Variants in IBTK observed in about 807,000 individuals in gnomAD.
The protein encoded by IBTK is inhibitor of Bruton tyrosine kinase.
A neutral mutation model predicts 154.9 loss-of-function variants in IBTK; 83 were observed. The observed-to-expected ratio is 0.54, with a 90% CI of 0.45 to 0.64. The LOEUF (loss-of-function observed/expected upper bound fraction) is 0.64, where lower values mean the gene tolerates loss of function less well. Among genes scored for constraint, IBTK ranks in the 30% least tolerant of loss-of-function variants. IBTK has a pLI of 0.00. For missense variants in IBTK, 1,332 were observed against 1,584.6 expected, an observed-to-expected ratio of 0.84 and a Z score of 2.71; for synonymous variants, 515 against 536.1, an observed-to-expected ratio of 0.96 and a Z score of 0.54.
At position 82,240,653 on chromosome 6, in the gene IBTK, A is replaced by G. The variant is rs1770908401; in HGVS notation, c.-167T>C. The G allele has an allele frequency of 7.4e-6, 4 of 537,672 alleles. No homozygotes were observed. Among genetic ancestry groups the G allele is most frequent in the South Asian group, 7.8e-5 (2 of 25,630 alleles). The allele number at this position is 537,672 out of a possible 1,614,324, so 33.3% of individuals were successfully genotyped here. A position where few individuals can be genotyped will look rare whatever the true frequency, so the allele number is the denominator to read the frequency against. ...GTATAAAACTATATATCTTTATACA[A>G]TTTTTTGGCACTTAAATCAAAAAAA... On this transcript the variant is annotated 5_prime_UTR_variant, in exon 2 of 29. Transcript: ENST00000306270.
Position 82,187,829 on chromosome 6 carries a change from C to T in IBTK, c.3575+3244G>A, listed in dbSNP as rs1768609491. On this transcript the variant is annotated intron_variant, in intron 25 of 28. Coordinates refer to ENST00000306270, the MANE Select transcript of IBTK (RefSeq NM_015525.4). ...TATTACTACATCTCCTTTACTCTGG[C>T]AGAAGGAAAATTTGATTCAAAGTCA... Among the ~76,000 whole-genome samples, 7 of 152,232 alleles carry T rather than the reference C, an allele frequency of 4.6e-5. No individual in the cohort carries two copies. In the South Asian group the frequency reaches 1.5e-3, roughly 32 times the overall value.
Position 82,214,479 on chromosome 6 carries a change from A to G in IBTK, c.1952T>C (p.Ile651Thr). ...DFLTHGFKPR[I>T]HLNKNPEEYQ... ...TTCTTCTGGGTTTTTGTTTAAGTGT[A>G]TTCTTGGTTTGAAGCCATGAGTTAA... Residue 651 changes from isoleucine to threonine, a missense_variant, in exon 12 of 29, where the codon ATA becomes ACA. Transcript: ENST00000306270. The G allele has an allele frequency of 6.2e-7, 1 of 1,614,086 alleles. No individual in the cohort carries two copies. The highest frequency in any genetic ancestry group is 8.5e-7 in the Non-Finnish European group (1 of 1,179,996).
rs1013050801 is a variant in IBTK at position 82,214,284 on chromosome 6, G to A, written c.2147C>T (p.Pro716Leu). ...TGCAACAGTTTGCAACATTCTTACAGGATCATCTTCCCTAATATTTTTTCC... is the reference window on the plus strand; with the variant it reads ...TGCAACAGTTTGCAACATTCTTACAAGATCATCTTCCCTAATATTTTTTCC... ...KKGKNIREDD[P>L]VRMLQTVAKK... is the part of the protein sequence containing the mutation. Residue 716 changes from proline to leucine, a missense_variant, in exon 12 of 29, where the codon CCT becomes CTT. Physicochemically the swap from Pro to Leu is moderately conservative, Grantham distance 98 (BLOSUM62 -3). Coordinates refer to ENST00000306270, the MANE Select transcript of IBTK (RefSeq NM_015525.4). The A allele has an allele frequency of 1.2e-6, 2 of 1,613,204 alleles. No individual in the cohort carries two copies. The highest frequency in any genetic ancestry group is 2.7e-5 in the African/African-American group (2 of 74,864).
chr6:82,188,325 GGTTT>G (rs1768630868), intron 25 of IBTK, among the ~76,000 whole-genome samples: 2 of 151,860 alleles, frequency 1.3e-5, no homozygotes, highest in East Asian at 3.9e-4. Flanking sequence ...TTGGTTGATT[GGTTT>G]ATTTTGTTCA....
Position 82,227,206 on chromosome 6 carries a change from C to T in IBTK, c.640G>A (p.Glu214Lys), listed in dbSNP as rs1184010658. 1 of 1,607,348 alleles carries T rather than the reference C, an allele frequency of 6.2e-7. No homozygotes were observed. Among genetic ancestry groups the T allele is most frequent in the Non-Finnish European group, 8.5e-7 (1 of 1,174,560 alleles). Residue 214 changes from glutamate to lysine, a missense_variant, in exon 5 of 29, where the codon GAA (glutamate) becomes AAA (lysine). Glu to Lys is a moderately conservative substitution (Grantham distance 56, BLOSUM62 1). Coordinates refer to ENST00000306270, the MANE Select transcript of IBTK (RefSeq NM_015525.4). ...GPGGRLGHGD[E>K]QTCLVPRLVE... ...ATTTCAATTACCAAGCATGTCTGTT[C>T]ATCTCCATGTCCTAATCGCCCTCCA...
At chr6:82,184,096 T>C (rs146096630) in intron 25 of IBTK, among the ~76,000 whole-genome samples, 13 of 152,322 alleles carry the variant, frequency 8.5e-5, no homozygotes, top group South Asian at 2.1e-4. Context: ...GGCATAAGGA[T>C]TGACAAACAG....
intron 16 of IBTK, among the ~76,000 whole-genome samples, chr6:82,208,674 G>A (rs1040321629): frequency 2.0e-5 from 3 of 152,054 alleles, no homozygotes; most frequent in African/African-American, 7.2e-5. Flanking sequence ...AGCTCAGGAC[G>A]CCGAGGCTGC....
intron 2 of IBTK, among the ~76,000 whole-genome samples, chr6:82,234,481 G>C (rs1770643838): frequency 6.6e-6 from 1 of 151,726 alleles, no homozygotes; most frequent in Non-Finnish European, 1.5e-5. Context: ...TGGGATTACA[G>C]GCATCCACCA....
chr6:82,206,757 G>C (rs1769428563), intron 16 of IBTK, among the ~76,000 whole-genome samples: 1 of 151,944 alleles, frequency 6.6e-6, no homozygotes, highest in South Asian at 2.1e-4. Flanking sequence ...TGACCTAACA[G>C]AATAAATCCA....
At chr6:82,200,857 T>G (rs1769184989) in intron 19 of IBTK, 149 bp from the exon 20 acceptor site, 4 of 784,896 alleles carry the variant, frequency 5.1e-6, no homozygotes, top group Non-Finnish European at 7.4e-6. Context: ...CATCTTGGCC[T>G]CCCAAAATGC....
At position 82,224,057 on chromosome 6, in the gene IBTK, G is replaced by A. The variant is rs1293275952; in HGVS notation, c.943+11C>T. Reference sequence around the variant, plus strand: ...TTTAATTTCCAGATATTGTCATTAAGGATTTCTTACCCAGTTGTCCACCAT... The same window carrying A: ...TTTAATTTCCAGATATTGTCATTAAAGATTTCTTACCCAGTTGTCCACCAT... On this transcript the variant is annotated intron_variant, in intron 7 of 28. Coordinates refer to ENST00000306270, the MANE Select transcript of IBTK (RefSeq NM_015525.4). 7.3e-7 allele frequency: 1 copy of A among 1,366,874 alleles called. No homozygotes were observed. Among genetic ancestry groups the A allele is most frequent in the Non-Finnish European group, 1.0e-6 (1 of 973,066 alleles). 84.7% of individuals were successfully genotyped at this position (1,366,874 alleles called of 1,614,324 possible). A position where few individuals can be genotyped will look rare whatever the true frequency, so the allele number is the denominator to read the frequency against.
chr6:82,241,526 G>A (rs142258201), intron 1 of IBTK, among the ~76,000 whole-genome samples: 1 of 152,120 alleles, frequency 6.6e-6, no homozygotes, highest in East Asian at 1.9e-4. Context: ...CTTTAGATAC[G>A]GTACTTACTT....
chr6:82,240,715 G>C lies in IBTK; in HGVS notation c.-229C>G. 2.1e-6 allele frequency: 1 copy of C among 474,964 alleles called. No individual in the cohort carries two copies. The highest frequency in any genetic ancestry group is 3.7e-6 in the Non-Finnish European group (1 of 272,642). 29.4% of individuals were successfully genotyped at this position (474,964 alleles called of 1,614,324 possible). On this transcript the variant is annotated 5_prime_UTR_variant, in exon 2 of 29. Transcript: ENST00000306270. ...TCTATAAAGTTCATATCAAATACAA[G>C]TTCTTCATTTAAAAAAATTCCACAG... is the stretch of plus-strand genomic sequence containing the variant.
intron 8 of IBTK, among the ~76,000 whole-genome samples, chr6:82,221,903 G>A (rs550900451): frequency 1.3e-5 from 2 of 152,148 alleles, no homozygotes; most frequent in East Asian, 1.9e-4. Flanking sequence ...AGTGGCTCAC[G>A]CCTGTAATCC....
At chr6:82,198,547 T>C (rs1345508907) in intron 21 of IBTK, among the ~76,000 whole-genome samples, 1 of 152,088 alleles carries the variant, frequency 6.6e-6, no homozygotes, top group Admixed American at 6.6e-5. Flanking sequence ...ATTTGAAGCA[T>C]CTCAGTAAAC....
At chr6:82,235,067 G>T (rs1357251984) in intron 2 of IBTK, among the ~76,000 whole-genome samples, 1 of 151,616 alleles carries the variant, frequency 6.6e-6, no homozygotes, top group African/African-American at 2.4e-5. Flanking sequence ...CACCATGTTG[G>T]CCAGGCTGGC....
At chr6:82,208,631 T>C (rs1769505415) in intron 16 of IBTK, among the ~76,000 whole-genome samples, 2 of 151,928 alleles carry the variant, frequency 1.3e-5, no homozygotes, top group South Asian at 4.2e-4. Flanking sequence ...TAGTCCCAGT[T>C]ACTTGGGAGG....
chr6:82,200,595 T>G lies in IBTK; in HGVS notation c.2904A>C (p.Gln968His). The G allele has an allele frequency of 6.4e-7, 1 of 1,561,706 alleles. No homozygotes were observed. Residue 968 changes from glutamine (Q) to histidine (H), a missense_variant, in exon 20 of 29, where the codon CAA becomes CAC. Transcript: ENST00000306270. ...AAAAGAAAACAGCTTACGAATGATT[T>G]TGTTCCATATTTATTTCTTCTTTCA... ...IFLKEEINMEQNHSETMFKKA... is the reference protein window; with the variant it reads ...IFLKEEINMEHNHSETMFKKA...
intron 26 of IBTK, among the ~76,000 whole-genome samples, chr6:82,176,806 CT>C (rs1338946238): frequency 2.6e-5 from 4 of 152,054 alleles, no homozygotes; most frequent in African/African-American, 7.2e-5. Context: ...TCCCCCACCC[CT>C]GGCACCCTAA....
Sources: allele counts gnomAD v4.1 joint callset (sites outside exome capture counted in the v4.1 genomes callset), GRCh38; gene constraint gnomAD v4.1.1; transcripts MANE v1.5; gene names NCBI Gene and HGNC (gene_info 2026-07-23, HGNC 2026-07-21).